The following GPR89B variants were observed in gnomAD, a reference collection of about 807,000 sequenced individuals.
GPR89B encodes golgi pH regulator B, also known as G protein-coupled receptor 89B.
GPR89B carries 25 observed loss-of-function variants against 52.4 expected under a neutral mutation model. The ratio of observed to expected loss-of-function variants is 0.48; its 90% confidence interval spans 0.35 to 0.67. GPR89B has a LOEUF of 0.67. GPR89B is among the 30% of genes least tolerant of loss of function. GPR89B has a pLI of 0.01. For missense variants in GPR89B, 146 were observed against 450.2 expected (o/e 0.32, Z 6.11); for synonymous variants, 52 against 151.2 (o/e 0.34, Z 4.81).
At chr1:147,940,191 C>T (rs1175455629) in intron 3 of GPR89B, among the ~76,000 whole-genome samples, 2 of 151,948 alleles carry the variant, frequency 1.3e-5, no homozygotes, top group Admixed American at 6.6e-5. Flanking sequence ...ATCACGAGGT[C>T]AGGAGATCAA....
intron 10 of GPR89B, among the ~76,000 whole-genome samples, chr1:147,971,925 A>T (rs1446214621): frequency 2.6e-5 from 4 of 151,672 alleles, no homozygotes; most frequent in African/African-American, 7.3e-5. Context: ...ACATCCATCC[A>T]TCACTGCCAT....
At chr1:148,013,697 C>T in the GPR89B span, among the ~76,000 whole-genome samples, 3 of 152,058 alleles carry the variant, frequency 2.0e-5, no homozygotes, top group Non-Finnish European at 2.9e-5. Context: ...CCCCCTGGAC[C>T]GGCTGTGCCA....
At chr1:148,003,514 A>C in the GPR89B span, among the ~76,000 whole-genome samples, 30 of 152,252 alleles carry the variant, frequency 2.0e-4, no homozygotes, top group African/African-American at 7.2e-4. Flanking sequence ...AACAAACGCT[A>C]CCAATTTGGA....
chr1:147,978,496 C>G (rs1390916154), intron 10 of GPR89B, among the ~76,000 whole-genome samples: 1 of 151,718 alleles, frequency 6.6e-6, no homozygotes, highest in Non-Finnish European at 1.5e-5. Flanking sequence ...TCTGACTGCC[C>G]CTTGGCAGAG....
At chr1:148,021,219 C>G in the GPR89B span, among the ~76,000 whole-genome samples, 1 of 151,034 alleles carries the variant, frequency 6.6e-6, no homozygotes, top group African/African-American at 2.4e-5. Flanking sequence ...AATGACATTC[C>G]CGGCCGGGCG....
chr1:147,981,705 T>C (rs1311454386), intron 10 of GPR89B, among the ~76,000 whole-genome samples: 7 of 151,954 alleles, frequency 4.6e-5, no homozygotes, highest in Admixed American at 2.6e-4. Flanking sequence ...CAGGCTGGAG[T>C]GCAGTGGGGT....
At chr1:147,944,384 G>C (rs1654790165) in intron 5 of GPR89B, among the ~76,000 whole-genome samples, 1 of 151,740 alleles carries the variant, frequency 6.6e-6, no homozygotes, top group Non-Finnish European at 1.5e-5. Context: ...AGGAATTTTT[G>C]ACCTTCATTT....
chr1:147,958,957 C>T lies in GPR89B; in HGVS notation c.617+4555C>T, dbSNP rs1292133309. 6.6e-5 allele frequency among the ~76,000 whole-genome samples: 10 copies of T among 152,258 alleles called. No individual in the cohort carries two copies. The South Asian group carries it at 1.9e-3, about 28-fold the overall frequency. ...CTTGGGATTCATATAATGCCCTTGC[C>T]ATTTACCACAATATAGAAAAACTGT... On this transcript the variant is annotated intron_variant, in intron 7 of 13. Transcript: ENST00000314163.
At chr1:147,999,311 T>TA in the GPR89B span, among the ~76,000 whole-genome samples, 44 of 151,128 alleles carry the variant, frequency 2.9e-4, no homozygotes, top group Non-Finnish European at 4.9e-4. Flanking sequence ...TAGGACACCT[T>TA]AAAAAAAAAT....
intron 10 of GPR89B, among the ~76,000 whole-genome samples, chr1:147,985,436 C>T (rs1186338907): frequency 1.3e-5 from 2 of 151,912 alleles, no homozygotes; most frequent in Non-Finnish European, 2.9e-5. Context: ...ATTTCATTGA[C>T]ATGTTTAGAC....
chr1:148,025,256 G>A, the GPR89B span, among the ~76,000 whole-genome samples: 2,943 of 151,670 alleles, frequency 0.019, 114 homozygotes, highest in African/African-American at 0.059. Context: ...CAGGCACTTC[G>A]GCTCAGGTGT....
At chr1:147,961,293 C>A (rs1656537240) in intron 7 of GPR89B, among the ~76,000 whole-genome samples, 1 of 151,772 alleles carries the variant, frequency 6.6e-6, no homozygotes, top group Non-Finnish European at 1.5e-5. Context: ...GATTGGAGTT[C>A]TAAAGAAAAG....
intron 7 of GPR89B, among the ~76,000 whole-genome samples, chr1:147,958,412 T>C (rs1258979336): frequency 1.3e-5 from 2 of 150,066 alleles, no homozygotes; most frequent in Admixed American, 6.6e-5. Flanking sequence ...ACCCTAACGC[T>C]TTGAGAGGCT....
the GPR89B span, among the ~76,000 whole-genome samples, chr1:148,021,677 T>C: frequency 5.3e-5 from 8 of 151,650 alleles, no homozygotes; most frequent in South Asian, 1.7e-3. Flanking sequence ...AAATGAAGAA[T>C]GGGCCCCCAG....
intron 10 of GPR89B, among the ~76,000 whole-genome samples, chr1:147,979,805 T>C (rs1658103734): frequency 1.3e-5 from 2 of 152,032 alleles, no homozygotes; most frequent in East Asian, 1.9e-4. Context: ...AATGTTTGCA[T>C]TGTCTGAGCA....
At chr1:147,968,722 C>T (rs1464078232) in intron 8 of GPR89B, 153 bp from the exon 9 acceptor site, 3 of 1,204,592 alleles carry the variant, frequency 2.5e-6, no homozygotes, top group Non-Finnish European at 3.6e-6. Context: ...GGGAAAGTTG[C>T]TCTGAAGTAG....
At chr1:147,956,542 A>G (rs1217600388) in intron 7 of GPR89B, among the ~76,000 whole-genome samples, 1 of 151,930 alleles carries the variant, frequency 6.6e-6, no homozygotes, top group Non-Finnish European at 1.5e-5. Context: ...AAATCAAGAG[A>G]ACCATCCCAC....
At chr1:148,019,760 G>C in the GPR89B span, among the ~76,000 whole-genome samples, 2 of 152,112 alleles carry the variant, frequency 1.3e-5, no homozygotes, top group Non-Finnish European at 2.9e-5. Context: ...TAATATCCTA[G>C]CATCTACCTA....
At chr1:148,015,001 C>T in the GPR89B span, 14 of 151,756 alleles carry the variant, frequency 9.2e-5, no homozygotes, top group Non-Finnish European at 1.9e-4. Flanking sequence ...AAGACGGTGG[C>T]TCCGCCTAGC....
Sources: gnomAD v4.1 joint callset for allele counts (sites outside exome capture counted in the v4.1 genomes callset) on GRCh38, gnomAD v4.1.1 for gene constraint, MANE v1.5 for transcripts, NCBI Gene and HGNC (gene_info 2026-07-23, HGNC 2026-07-21) for gene names.